The following PTPRF variants were observed in gnomAD, a reference collection of about 807,000 sequenced individuals.
The protein encoded by PTPRF is receptor-type tyrosine-protein phosphatase F.
In PTPRF, 59 loss-of-function variants were observed where a neutral mutation model predicts 201.8. That is an observed-to-expected ratio of 0.29 (90% CI 0.24 to 0.36). The LOEUF (loss-of-function observed/expected upper bound fraction) is 0.36. Ranked by LOEUF, PTPRF falls within the 10% of genes least tolerant of loss-of-function variation. The pLI, the probability that PTPRF is intolerant of heterozygous loss-of-function variation, is 1.00. For missense variants in PTPRF, 2,132 were observed against 2,690.5 expected, an observed-to-expected ratio of 0.79 and a Z score of 4.59; for synonymous variants, 1,088 against 1,089.7, an observed-to-expected ratio of 1.00 and a Z score of 0.03.
chr1:43,559,160 T>C (rs1036632328), intron 5 of PTPRF, among the ~76,000 whole-genome samples: 7 of 152,216 alleles, frequency 4.6e-5, no homozygotes, highest in African/African-American at 1.7e-4. Flanking sequence ...AGGCAGTGTT[T>C]GTGTGAAGTG....
intron 13 of PTPRF, among the ~76,000 whole-genome samples, chr1:43,600,416 C>T (rs1356319265): frequency 6.6e-6 from 1 of 152,068 alleles, no homozygotes; most frequent in Non-Finnish European, 1.5e-5. Flanking sequence ...GGCGGTAACT[C>T]GAGTCTGGGC....
intron 30 of PTPRF, 41 bp from the exon 31 acceptor site, chr1:43,620,413 C>T (rs1001980219): frequency 6.3e-7 from 1 of 1,577,072 alleles, no homozygotes; most frequent in Non-Finnish European, 8.7e-7. Context: ...CTCCCCTATT[C>T]CTTCTCACCT....
rs755754272 is a variant in PTPRF, at chr1:43,606,279, C to T, written c.3523C>T (p.Arg1175Trp). ...AIEQGGEEQR[R>W]RRRQAERLKP... ...CGAGCAAGGCGGAGAGGAGCAGCGG[C>T]GGCGGCGGCGGCAGGCAGAACGTCT... The change falls in exon 20 of 34, where the codon CGG becomes TGG. Residue 1175 changes from arginine to tryptophan, a missense_variant. Physicochemically the swap from Arg to Trp is moderately radical, Grantham distance 101. Transcript: ENST00000359947. 1.4e-5 allele frequency: 22 copies of T among 1,613,102 alleles called. No individual in the cohort carries two copies. Among genetic ancestry groups the T allele is most frequent in the Admixed American group, 6.7e-5 (4 of 60,008 alleles).
At chr1:43,569,246 A>T (rs1478675070) in intron 5 of PTPRF, among the ~76,000 whole-genome samples, 1 of 83,220 alleles carries the variant, frequency 1.2e-5, no homozygotes, top group Non-Finnish European at 2.1e-5. Flanking sequence ...CTGCAGCCCC[A>T]GCATTCATGC....
Position 43,619,299 on chromosome 1 carries a change from G to A in PTPRF, c.4658G>A (p.Gly1553Asp). 6.2e-7 allele frequency: 1 copy of A among 1,613,448 alleles called. No homozygotes were observed. The highest frequency in any genetic ancestry group is 1.3e-5 in the African/African-American group (1 of 75,050). The change falls in exon 28 of 34, where the codon GGC (glycine) becomes GAC (aspartate). Residue 1553 changes from glycine to aspartate, a missense_variant. Around this residue, in one of 6 missense-constraint regions of PTPRF, gnomAD observed 519 missense variants for 659.5 expected, o/e 0.79. Coordinates refer to ENST00000359947, the MANE Select transcript of PTPRF (RefSeq NM_002840.5). Reference protein sequence around the residue: ...PMVVHCSAGVGRTGCFIVIDA... With the variant: ...PMVVHCSAGVDRTGCFIVIDA... The stretch of plus-strand genomic sequence containing the variant: ...CCCGTGTCCTGCAGCGCGGGCGTGG[G>A]CCGCACCGGCTGCTTCATCGTGATT...
rs143362739 is a variant in PTPRF, at chr1:43,591,085, C to A, written c.1063C>A (p.Arg355Ser). 10 of 1,613,846 alleles carry A rather than the reference C, an allele frequency of 6.2e-6. No individual in the cohort carries two copies. In the African/African-American group the frequency reaches 1.3e-4, roughly 22 times the overall value. Reference protein sequence around the residue: ...EPVTYYGIQYRAAGTEGPFQE... With the variant: ...EPVTYYGIQYSAAGTEGPFQE... ...TGTAACCTACTATGGCATCCAGTACCGCGCAGCGGGCACGGAGGGCCCCTT... is the reference window on the plus strand; with the variant it reads ...TGTAACCTACTATGGCATCCAGTACAGCGCAGCGGGCACGGAGGGCCCCTT... The change falls in exon 9 of 34, where the codon CGC (arginine) becomes AGC (serine). Residue 355 changes from arginine (R) to serine (S), a missense_variant. Arg to Ser is a moderately radical substitution (Grantham distance 110). Around this residue, in one of 6 missense-constraint regions of PTPRF, gnomAD observed 351 missense variants for 401.7 expected, o/e 0.87. Coordinates refer to ENST00000359947, the MANE Select transcript of PTPRF (RefSeq NM_002840.5).
Position 43,575,861 on chromosome 1 carries a change from A to T in PTPRF, c.569-2949A>T, listed in dbSNP as rs568151500. 3.0e-6 allele frequency: 4 copies of T among 1,340,138 alleles called. No individual in the cohort carries two copies. In the South Asian group the frequency reaches 3.6e-5, roughly 12 times the overall value. 83.0% of individuals were successfully genotyped at this position (1,340,138 alleles called of 1,614,324 possible). ...GCTTTGTGTGGCTTTCCTTCCTTTT[A>T]TACTAATGCTTCTCTCTGATCTTAT... On this transcript the variant is annotated intron_variant, in intron 6 of 33. Transcript: ENST00000359947.
chr1:43,598,539 C>A (rs1038158099), intron 12 of PTPRF, 181 bp from the exon 13 acceptor site: 14 of 625,480 alleles, frequency 2.2e-5, no homozygotes, highest in East Asian at 2.0e-4. Flanking sequence ...TGGGCTCTTA[C>A]CCGTGGCGGG....
At chr1:43,585,311 C>T (rs1648849861) in intron 7 of PTPRF, among the ~76,000 whole-genome samples, 1 of 152,122 alleles carries the variant, frequency 6.6e-6, no homozygotes, top group East Asian at 1.9e-4. Context: ...GATGCGGGTC[C>T]CTGTTGGCAC....
rs777974576 is a variant in PTPRF, at chr1:43,603,242, C to G, written c.2341-174C>G. ...GGGCGGGGTCCTCCCAGGCCTGCAT[C>G]CTACCTGCCTGCTTCCTCTCCAGCA... On this transcript the variant is annotated intron_variant, in intron 14 of 33. Transcript: ENST00000359947. The surrounding 1 kb of genome is among the most constrained non-coding windows in gnomAD (Gnocchi z 5.8). Among the ~76,000 whole-genome samples, 8 of 152,132 alleles carry G rather than the reference C, an allele frequency of 5.3e-5. No individual in the cohort carries two copies. The highest frequency in any genetic ancestry group is 1.0e-4 in the Non-Finnish European group (7 of 67,992).
rs1235512025 is a variant in PTPRF, at chr1:43,542,229, C to T, written c.-45-2802C>T. Among the ~76,000 whole-genome samples, 5 of 152,132 alleles carry T rather than the reference C, an allele frequency of 3.3e-5. No homozygotes were observed. Among genetic ancestry groups the T allele is most frequent in the Admixed American group, 2.0e-4 (3 of 15,272 alleles). The stretch of plus-strand genomic sequence containing the variant: ...CTGACACCAGGGCAGGCTCTGTGCC[C>T]GGAGTCTCAGGGCGGGAGGCAGCTT... On this transcript the variant is annotated intron_variant, in intron 2 of 33. Coordinates refer to ENST00000359947, the MANE Select transcript of PTPRF (RefSeq NM_002840.5). The surrounding 1 kb of genome is among the most constrained non-coding windows in gnomAD (Gnocchi z 5.2).
chr1:43,591,432 G>A lies in PTPRF; in HGVS notation c.1410G>A (p.Gly470=). 1 of 1,587,738 alleles carries A rather than the reference G, an allele frequency of 6.3e-7. No individual in the cohort carries two copies. The change falls in exon 9 of 34, where the codon GGG becomes GGA. Residue 470 remains glycine, a synonymous_variant. Coordinates refer to ENST00000359947, the MANE Select transcript of PTPRF (RefSeq NM_002840.5). The part of the protein sequence containing the change: ...NAWHKHNTDA[G]LLTTVGSLLP... ...GGCACAAGCACAACACCGACGCGGG[G>A]CTCCTCACGACCGTGGGCAGCCTGC...
At chr1:43,529,067 A>C (rs1390594661), upstream of PTPRF, among the ~76,000 whole-genome samples, 5 of 152,192 alleles carry the variant, frequency 3.3e-5, no homozygotes, top group Non-Finnish European at 7.3e-5. Flanking sequence ...TTGGCTGAAA[A>C]GTATACTTTT....
chr1:43,555,762 G>A (rs1401347021), intron 5 of PTPRF, among the ~76,000 whole-genome samples: 1 of 152,144 alleles, frequency 6.6e-6, no homozygotes, highest in African/African-American at 2.4e-5. Context: ...TATCCTTAAT[G>A]GCTATGGGTA....
intron 13 of PTPRF, among the ~76,000 whole-genome samples, chr1:43,600,671 T>C (rs1355052285): frequency 6.6e-6 from 1 of 150,948 alleles, no homozygotes; most frequent in East Asian, 1.9e-4. Flanking sequence ...AGCCTGGAAG[T>C]GTGGAGCCAG....
intron 22 of PTPRF, among the ~76,000 whole-genome samples, chr1:43,610,946 A>C (rs1040707504): frequency 6.6e-6 from 1 of 152,250 alleles, no homozygotes; most frequent in African/African-American, 2.4e-5. Context: ...TTGCTTTTGC[A>C]CTGTAAAGGC....
rs1648665482 is a variant in PTPRF, at chr1:43,584,702, C to CTTAA, written c.680-4028_680-4025dup. On this transcript the variant is annotated intron_variant, in intron 7 of 33. Transcript: ENST00000359947. ...TGCATCTTACATTTTTCCAGCTTTA[C>CTTAA]TTAAAACTGTGTGCCGGGTTTGCCG... Among the ~76,000 whole-genome samples the CTTAA allele has an allele frequency of 2.0e-5, 3 of 152,368 alleles. 1 individual carries two copies. Among genetic ancestry groups the CTTAA allele is most frequent in the Middle Eastern group, 6.8e-3 (2 of 294 alleles).
chr1:43,607,299 G>A (rs1010010115), intron 21 of PTPRF, among the ~76,000 whole-genome samples: 2 of 152,198 alleles, frequency 1.3e-5, no homozygotes, highest in Non-Finnish European at 2.9e-5. Flanking sequence ...TTAAGACACC[G>A]CCATCTCCTG....
At chr1:43,617,117 A>T (rs1658057700) in intron 23 of PTPRF, among the ~76,000 whole-genome samples, 1 of 151,638 alleles carries the variant, frequency 6.6e-6, no homozygotes. Flanking sequence ...ACTGCCTGAG[A>T]GGGGGCCACC....
Sources: allele counts gnomAD v4.1 joint callset (sites outside exome capture counted in the v4.1 genomes callset), GRCh38; gene constraint gnomAD v4.1.1; regional missense constraint gnomAD v4.1.1; non-coding constraint Gnocchi (gnomAD v3.1); transcripts MANE v1.5; gene names NCBI Gene and HGNC (gene_info 2026-07-23, HGNC 2026-07-21).